Variants in DBF4B observed in about 807,000 individuals in gnomAD.
DBF4B encodes protein DBF4 homolog B.
A neutral mutation model predicts 53.4 loss-of-function variants in DBF4B; 49 were observed. That is an observed-to-expected ratio of 0.92 (90% CI 0.73 to 1.16). The LOEUF is 1.16. Ranked by LOEUF, DBF4B falls within the 50% of genes most tolerant of loss-of-function variation. The pLI is 0.00. For missense variants in DBF4B, 692 were observed against 775.0 expected (o/e 0.89, Z 1.27); for synonymous variants, 257 against 288.7 (o/e 0.89, Z 1.11).
chr17:44,717,816 A>G (rs575591062), intron 2 of DBF4B, among the ~76,000 whole-genome samples: 2 of 151,006 alleles, frequency 1.3e-5, no homozygotes, highest in Non-Finnish European at 3.0e-5. Flanking sequence ...GGAGTTCAAG[A>G]CCAGAATGGG....
chr17:44,727,755 T>C (rs915611292), intron 3 of DBF4B, among the ~76,000 whole-genome samples: 6 of 152,146 alleles, frequency 3.9e-5, no homozygotes, highest in Non-Finnish European at 8.8e-5. Flanking sequence ...TGGAGTGCAA[T>C]GGTGCGATCT....
intron 3 of DBF4B, among the ~76,000 whole-genome samples, chr17:44,728,208 A>G (rs1400459100): frequency 6.6e-6 from 1 of 152,054 alleles, no homozygotes; most frequent in Non-Finnish European, 1.5e-5. Flanking sequence ...AAGCTAAACT[A>G]GCTGATTTAA....
Position 44,749,321 on chromosome 17 carries a change from A to G in DBF4B, c.1189+856A>G. 1 of 1,290,104 alleles carries G rather than the reference A, an allele frequency of 7.8e-7. No homozygotes were observed. Among genetic ancestry groups the G allele is most frequent in the Non-Finnish European group, 1.0e-6 (1 of 988,840 alleles). The allele number at this position is 1,290,104 out of a possible 1,614,324, so 79.9% of individuals were successfully genotyped here. A position where few individuals can be genotyped will look rare whatever the true frequency, so the allele number is the denominator to read the frequency against. The stretch of plus-strand genomic sequence containing the variant: ...AGAGAGCTGCTCCTACGAGTCCCCA[A>G]GGTGCTTGGCTCTTCACAGGGCCAG... On this transcript the variant is annotated intron_variant, in intron 13 of 13. Transcript: ENST00000315005. The surrounding 1 kb of genome is among the most constrained non-coding windows in gnomAD (Gnocchi z 4.4).
At chr17:44,741,238 A>T in intron 9 of DBF4B, 98 bp from the exon 10 acceptor site, 1 of 844,044 alleles carries the variant, frequency 1.2e-6, no homozygotes. Context: ...GTGAGAGTCC[A>T]CTTTATCAGG....
At chr17:44,712,931 C>T (rs947455733) in intron 2 of DBF4B, among the ~76,000 whole-genome samples, 2 of 151,888 alleles carry the variant, frequency 1.3e-5, no homozygotes, top group African/African-American at 2.4e-5. Context: ...TTTTTCTGTC[C>T]TACCACTTCT....
intron 2 of DBF4B, among the ~76,000 whole-genome samples, chr17:44,712,539 C>T (rs1204172167): frequency 6.6e-6 from 1 of 151,876 alleles, no homozygotes; most frequent in South Asian, 2.1e-4. Context: ...CTCCTGGTCT[C>T]GTGATCCACC....
intron 1 of DBF4B, chr17:44,709,072 G>A: frequency 1.3e-6 from 1 of 777,926 alleles, no homozygotes; most frequent in Non-Finnish European, 2.1e-6. Flanking sequence ...AGATGGACAG[G>A]AGGTGGCCAA....
intron 2 of DBF4B, among the ~76,000 whole-genome samples, chr17:44,717,413 TA>T (rs1973420874): frequency 6.6e-6 from 1 of 151,996 alleles, no homozygotes. Flanking sequence ...ATAGTACAAT[TA>T]AAAAAATCCA....
At chr17:44,747,618 A>G (rs2049142182) in intron 12 of DBF4B, 103 bp downstream of exon 12, 1 of 1,442,544 alleles carries the variant, frequency 6.9e-7, no homozygotes, top group Admixed American at 2.2e-5. Flanking sequence ...CCAGACTGTG[A>G]TGTTTTCCTC....
At chr17:44,750,023 A>G in intron 13 of DBF4B, 1 of 1,000,404 alleles carries the variant, frequency 1.0e-6, no homozygotes, top group Non-Finnish European at 1.2e-6. Context: ...TGAGCCCAGG[A>G]TGTGGCCAGA....
intron 10 of DBF4B, among the ~76,000 whole-genome samples, chr17:44,742,762 A>G (rs979703244): frequency 2.0e-5 from 3 of 152,208 alleles, no homozygotes; most frequent in Non-Finnish European, 2.9e-5. Flanking sequence ...TACGTGGCTC[A>G]TGGCTTGTGG....
rs1055915110 is a variant in DBF4B at position 44,717,264 on chromosome 17, A to G, written c.83-5616A>G. 2.6e-5 allele frequency among the ~76,000 whole-genome samples: 4 copies of G among 152,106 alleles called. 1 individual carries two copies. The highest frequency in any genetic ancestry group is 5.9e-5 in the Non-Finnish European group (4 of 68,006). ...CTAATTTACCAGCTCACACTGTTCT[A>G]TTTAGCTCATCTATTGATGTGGATA... On this transcript the variant is annotated intron_variant, in intron 2 of 13. Transcript: ENST00000315005.
At chr17:44,731,447 C>T (rs1035926771) in intron 5 of DBF4B, 3 of 199,972 alleles carry the variant, frequency 1.5e-5, no homozygotes, top group East Asian at 2.7e-4. Flanking sequence ...CCATCTCTAC[C>T]GAAAAATTAG....
At chr17:44,741,827 G>T (rs1287593971) in intron 10 of DBF4B, among the ~76,000 whole-genome samples, 4 of 152,246 alleles carry the variant, frequency 2.6e-5, no homozygotes, top group Admixed American at 6.5e-5. Flanking sequence ...ACCAGACATG[G>T]TGCACCCAGC....
intron 3 of DBF4B, among the ~76,000 whole-genome samples, chr17:44,723,293 G>C (rs1467259499): frequency 6.6e-6 from 1 of 152,138 alleles, no homozygotes; most frequent in East Asian, 1.9e-4. Flanking sequence ...TTTTAGTAGA[G>C]ATGGGGTTTC....
chr17:44,737,301 A>G (rs1466158783), intron 8 of DBF4B, among the ~76,000 whole-genome samples: 3 of 152,204 alleles, frequency 2.0e-5, no homozygotes, highest in Non-Finnish European at 2.9e-5. Context: ...CTTGGACAGC[A>G]GGAGAGTTGC....
At chr17:44,723,830 G>T (rs570745106) in intron 3 of DBF4B, among the ~76,000 whole-genome samples, 1 of 152,188 alleles carries the variant, frequency 6.6e-6, no homozygotes, top group South Asian at 2.1e-4. Context: ...AGAAACTTAG[G>T]CTGGGCACAG....
rs1250716859 is a variant in DBF4B at position 44,750,740 on chromosome 17, TCCCTG to T, written c.1339_1343del (p.Cys447SerfsTer43). 2 of 1,614,048 alleles carry T rather than the reference TCCCTG, an allele frequency of 1.2e-6. No homozygotes were observed. Among genetic ancestry groups the T allele is most frequent in the Non-Finnish European group, 1.7e-6 (2 of 1,180,036 alleles). On this transcript the variant is annotated frameshift_variant, in exon 14 of 14. Transcript: ENST00000315005. LOFTEE classifies it low-confidence loss of function (END_TRUNC). ...GCTCCAGGGAGCAGGGCTGCCTCTG[TCCCTG>T]CCCAGCCTCCTTTACCCAGTCTCAT... is the stretch of plus-strand genomic sequence containing the variant.
intron 9 of DBF4B, among the ~76,000 whole-genome samples, chr17:44,741,123 ACT>A (rs757617398): frequency 2.0e-5 from 3 of 151,640 alleles, no homozygotes; most frequent in Non-Finnish European, 2.9e-5. Context: ...CGACAGCGAG[ACT>A]CTGTCTCAAA....
Sources: allele counts gnomAD v4.1 joint callset (sites outside exome capture counted in the v4.1 genomes callset), GRCh38; gene constraint gnomAD v4.1.1; non-coding constraint Gnocchi (gnomAD v3.1); transcripts MANE v1.5; gene names NCBI Gene and HGNC (gene_info 2026-07-23, HGNC 2026-07-21).